Variants in DYNC1I1 observed in about 807,000 individuals in gnomAD.
DYNC1I1 encodes cytoplasmic dynein 1 intermediate chain 1.
DYNC1I1 carries 43 observed loss-of-function variants against 86.6 expected under a neutral mutation model. The observed-to-expected ratio is 0.50, with a 90% confidence interval of 0.39 to 0.64. The LOEUF (loss-of-function observed/expected upper bound fraction) is 0.64, where lower values mean the gene tolerates loss of function less well. DYNC1I1 is among the 30% of genes least tolerant of loss of function. The probability of loss-of-function intolerance (pLI) is 0.00; values close to 1 mark genes in which losing one functional copy is unlikely to be tolerated. For missense variants in DYNC1I1, 604 were observed against 788.8 expected, an observed-to-expected ratio of 0.77 and a Z score of 2.81; for synonymous variants, 262 against 283.7, an observed-to-expected ratio of 0.92 and a Z score of 0.77.
At chr7:95,862,691 G>A (rs1789918258) in intron 5 of DYNC1I1, among the ~76,000 whole-genome samples, 1 of 152,118 alleles carries the variant, frequency 6.6e-6, no homozygotes, top group Non-Finnish European at 1.5e-5. Flanking sequence ...TGACCCAGCA[G>A]CTCCACTCCT....
chr7:95,809,285 T>G (rs1026832099), intron 2 of DYNC1I1, among the ~76,000 whole-genome samples: 1 of 152,200 alleles, frequency 6.6e-6, no homozygotes, highest in Non-Finnish European at 1.5e-5. Flanking sequence ...TTTCTGCTTA[T>G]AGATACTACA....
At chr7:95,987,879 G>A (rs976801457) in intron 9 of DYNC1I1, among the ~76,000 whole-genome samples, 4 of 152,080 alleles carry the variant, frequency 2.6e-5, no homozygotes, top group Non-Finnish European at 5.9e-5. Flanking sequence ...ATACCCAAAA[G>A]CCTAAAGCAG....
At chr7:95,931,039 A>C (rs1467933466) in intron 6 of DYNC1I1, among the ~76,000 whole-genome samples, 1 of 152,218 alleles carries the variant, frequency 6.6e-6, no homozygotes, top group Non-Finnish European at 1.5e-5. Flanking sequence ...AAACTGGTTA[A>C]TTCAGAGTAT....
chr7:95,804,373 T>G, intron 1 of DYNC1I1: 2 of 1,277,360 alleles, frequency 1.6e-6, no homozygotes, highest in Non-Finnish European at 2.0e-6. Context: ...GTCATGATGA[T>G]GGTTCTTTTT....
intron 14 of DYNC1I1, among the ~76,000 whole-genome samples, chr7:96,044,940 G>A (rs1789163878): frequency 6.6e-6 from 1 of 152,124 alleles, no homozygotes; most frequent in African/African-American, 2.4e-5. Flanking sequence ...TTTCCTCCAA[G>A]AAAGGGCAGC....
intron 4 of DYNC1I1, among the ~76,000 whole-genome samples, chr7:95,821,556 A>G (rs1367489893): frequency 6.6e-6 from 1 of 152,200 alleles, no homozygotes; most frequent in African/African-American, 2.4e-5. Flanking sequence ...AAACTAAAAG[A>G]AAGACTATGC....
chr7:96,095,295 C>T (rs920261978), intron 16 of DYNC1I1, among the ~76,000 whole-genome samples: 5 of 152,046 alleles, frequency 3.3e-5, no homozygotes, highest in Non-Finnish European at 7.4e-5. Context: ...TTACTAGGGC[C>T]GTTTCTGAAC....
intron 16 of DYNC1I1, among the ~76,000 whole-genome samples, chr7:96,085,287 A>G: frequency 6.6e-6 from 1 of 152,206 alleles, no homozygotes; most frequent in East Asian, 1.9e-4. Flanking sequence ...GGTGCAATTT[A>G]TTATGAACTT....
At chr7:95,801,958 AT>A (rs1562898499) in intron 1 of DYNC1I1, among the ~76,000 whole-genome samples, 1 of 152,016 alleles carries the variant, frequency 6.6e-6, no homozygotes, top group Non-Finnish European at 1.5e-5. Context: ...AGGACAGGGC[AT>A]TTCCTCTCTG....
intron 11 of DYNC1I1, among the ~76,000 whole-genome samples, chr7:96,028,807 A>G (rs1357583137): frequency 6.6e-6 from 1 of 152,250 alleles, no homozygotes; most frequent in Non-Finnish European, 1.5e-5. Context: ...TAAAGTCTAC[A>G]GTGACAATAT....
chr7:96,087,106 G>A (rs1482284854), intron 16 of DYNC1I1, among the ~76,000 whole-genome samples: 2 of 152,010 alleles, frequency 1.3e-5, no homozygotes, highest in East Asian at 3.9e-4. Flanking sequence ...TCACACTTAG[G>A]CAATAATAGT....
At position 95,972,196 on chromosome 7, in the gene DYNC1I1, G is replaced by A. The variant is rs912813282; in HGVS notation, c.491-5316G>A. On this transcript the variant is annotated intron_variant, in intron 6 of 16. Coordinates refer to ENST00000447467, the MANE Select transcript of DYNC1I1 (RefSeq NM_001135556.2). Reference sequence around the variant, plus strand: ...AAATCTGGTGCTGACAACGCCTCTAGTGGGATTTATTGGAAGGAAATCTGG... The same window carrying A: ...AAATCTGGTGCTGACAACGCCTCTAATGGGATTTATTGGAAGGAAATCTGG... Among the ~76,000 whole-genome samples, 23 of 152,142 alleles carry A rather than the reference G, an allele frequency of 1.5e-4. 1 individual carries two copies. Among genetic ancestry groups the A allele is most frequent in the Non-Finnish European group, 1.5e-5 (1 of 68,016 alleles).
At chr7:95,885,658 T>A (rs917181163) in intron 6 of DYNC1I1, among the ~76,000 whole-genome samples, 2 of 152,206 alleles carry the variant, frequency 1.3e-5, no homozygotes, top group African/African-American at 4.8e-5. Context: ...TTTTAATTTC[T>A]TAATTTTTTG....
At chr7:95,781,476 A>C (rs1793992227) in intron 1 of DYNC1I1, among the ~76,000 whole-genome samples, 1 of 152,234 alleles carries the variant, frequency 6.6e-6, no homozygotes, top group African/African-American at 2.4e-5. Context: ...AGTTGGTTAC[A>C]AAACTATTGT....
At chr7:95,842,216 A>G (rs1211728923) in intron 5 of DYNC1I1, among the ~76,000 whole-genome samples, 6 of 152,190 alleles carry the variant, frequency 3.9e-5, no homozygotes, top group Admixed American at 2.0e-4. Context: ...GAGACAAATT[A>G]AGAGTCCTTT....
At chr7:96,046,675 T>C (rs1789225498) in intron 14 of DYNC1I1, among the ~76,000 whole-genome samples, 1 of 152,166 alleles carries the variant, frequency 6.6e-6, no homozygotes, top group Admixed American at 6.5e-5. Flanking sequence ...AGAGCCAGAA[T>C]TTAGGCAGTG....
chr7:96,034,498 G>A (rs530562474), intron 12 of DYNC1I1, among the ~76,000 whole-genome samples: 3 of 152,288 alleles, frequency 2.0e-5, no homozygotes, highest in African/African-American at 7.2e-5. Flanking sequence ...TGGCTTCCAT[G>A]GATGGCAGGG....
At chr7:95,913,011 C>T (rs192071117) in intron 6 of DYNC1I1, among the ~76,000 whole-genome samples, 10 of 152,204 alleles carry the variant, frequency 6.6e-5, no homozygotes, top group Admixed American at 5.2e-4. Context: ...TAGTTAAATC[C>T]CTTTGATTAA....
At position 95,907,189 on chromosome 7, in the gene DYNC1I1, G is replaced by T. The variant is rs903335920; in HGVS notation, c.490+37191G>T. On this transcript the variant is annotated intron_variant, in intron 6 of 16. Transcript: ENST00000447467. ...CTTTTTCTTGTCCCACACTTCTCAGGTAATGCAAAACAGTGGAAAAATATT... is the reference window on the plus strand; with the variant it reads ...CTTTTTCTTGTCCCACACTTCTCAGTTAATGCAAAACAGTGGAAAAATATT... 2.8e-4 allele frequency among the ~76,000 whole-genome samples: 42 copies of T among 152,042 alleles called. 1 individual carries two copies. The highest frequency in any genetic ancestry group is 1.8e-4 in the Non-Finnish European group (12 of 68,018).
Sources: allele counts gnomAD v4.1 joint callset (sites outside exome capture counted in the v4.1 genomes callset), GRCh38; gene constraint gnomAD v4.1.1; transcripts MANE v1.5; gene names NCBI Gene and HGNC (gene_info 2026-07-23, HGNC 2026-07-21).